TMEM131: variants seen among roughly 807,000 people sequenced by gnomAD.
TMEM131 encodes transmembrane protein 131.
In TMEM131, 66 loss-of-function variants were observed where a neutral mutation model predicts 211.6. The ratio of observed to expected loss-of-function variants is 0.31; its 90% CI spans 0.26 to 0.38. The LOEUF (loss-of-function observed/expected upper bound fraction) is 0.38. Among genes scored for constraint, TMEM131 ranks in the 10% least tolerant of loss-of-function variants. TMEM131 has a pLI of 1.00. For missense variants in TMEM131, 2,036 were observed against 2,299.3 expected (o/e 0.89, Z 2.34); for synonymous variants, 844 against 841.3 (o/e 1.00, Z -0.06).
At chr2:97,950,993 T>C (rs917230218) in intron 1 of TMEM131, among the ~76,000 whole-genome samples, 1 of 152,226 alleles carries the variant, frequency 6.6e-6, no homozygotes, top group African/African-American at 2.4e-5. Context: ...ACAGAACACA[T>C]GCACTGTTAA....
chr2:97,884,169 C>T (rs191822455), intron 4 of TMEM131, among the ~76,000 whole-genome samples: 12 of 152,148 alleles, frequency 7.9e-5, no homozygotes, highest in African/African-American at 2.9e-4. Flanking sequence ...CATTTAATTT[C>T]TTCCTTCACC....
intron 25 of TMEM131, among the ~76,000 whole-genome samples, chr2:97,797,937 C>T (rs930950404): frequency 1.3e-5 from 2 of 152,224 alleles, no homozygotes; most frequent in African/African-American, 2.4e-5. Context: ...TGATGCTTCC[C>T]GCCACTGCTC....
At chr2:97,881,673 G>C (rs1383299028) in intron 4 of TMEM131, among the ~76,000 whole-genome samples, 5 of 136,024 alleles carry the variant, frequency 3.7e-5, no homozygotes, top group Non-Finnish European at 7.6e-5. Context: ...CCTGAGCTAG[G>C]GACAGGGTGC....
At chr2:97,769,868 G>A (rs546152754) in intron 33 of TMEM131, among the ~76,000 whole-genome samples, 2 of 152,142 alleles carry the variant, frequency 1.3e-5, no homozygotes, top group Non-Finnish European at 2.9e-5. Flanking sequence ...TGGAAAACAC[G>A]GTTAGATCAG....
intron 19 of TMEM131, among the ~76,000 whole-genome samples, chr2:97,808,877 A>T (rs1032127375): frequency 6.6e-6 from 1 of 152,164 alleles, no homozygotes; most frequent in African/African-American, 2.4e-5. Context: ...CTTGAAAGAC[A>T]CGCAGGAGTT....
intron 4 of TMEM131, among the ~76,000 whole-genome samples, chr2:97,870,149 CA>C (rs763914787): frequency 5.9e-5 from 9 of 151,762 alleles, no homozygotes; most frequent in African/African-American, 2.2e-4. Flanking sequence ...CAGGCTCACC[CA>C]AAAAAAATCT....
At chr2:97,925,417 C>T (rs749786391) in intron 2 of TMEM131, among the ~76,000 whole-genome samples, 7 of 152,134 alleles carry the variant, frequency 4.6e-5, no homozygotes, top group South Asian at 4.1e-4. Context: ...CCTCAGAGTC[C>T]GTGTCATCTT....
intron 3 of TMEM131, among the ~76,000 whole-genome samples, chr2:97,906,663 G>A (rs1676084007): frequency 1.3e-5 from 2 of 152,164 alleles, no homozygotes; most frequent in Admixed American, 1.3e-4. Flanking sequence ...CCTACATATA[G>A]GCATTCTAGT....
chr2:97,786,037 T>C (rs1029885282), intron 31 of TMEM131, among the ~76,000 whole-genome samples: 1 of 152,070 alleles, frequency 6.6e-6, no homozygotes, highest in African/African-American at 2.4e-5. Flanking sequence ...AGGAGGGAAG[T>C]GAGTGTGGCT....
intron 3 of TMEM131, among the ~76,000 whole-genome samples, chr2:97,902,786 C>T (rs1675910789): frequency 6.6e-6 from 1 of 152,116 alleles, no homozygotes; most frequent in African/African-American, 2.4e-5. Flanking sequence ...TGGGCACAAT[C>T]TAATCAGCTT....
At chr2:97,848,401 A>AACAT (rs1470213031) in intron 5 of TMEM131, among the ~76,000 whole-genome samples, 1 of 152,230 alleles carries the variant, frequency 6.6e-6, no homozygotes, top group African/African-American at 2.4e-5. Flanking sequence ...TGCAGATACC[A>AACAT]ACATCTGTGG....
At chr2:97,991,745 G>T (rs1053882354) in intron 1 of TMEM131, among the ~76,000 whole-genome samples, 1 of 152,202 alleles carries the variant, frequency 6.6e-6, no homozygotes, top group Non-Finnish European at 1.5e-5. Context: ...AGGCCAATCA[G>T]AGCGCTTGAG....
rs1673974597 is a variant in TMEM131, at chr2:97,859,389, T to A, written c.398A>T (p.His133Leu). 1 of 1,596,466 alleles carries A rather than the reference T, an allele frequency of 6.3e-7. No individual in the cohort carries two copies. Among genetic ancestry groups the A allele is most frequent in the Admixed American group, 1.8e-5 (1 of 55,342 alleles). Reference sequence around the variant, plus strand: ...AATCGTTTCTTCAGAACTAGGATTATGTAAGTAGACTTTTTCCATTTTTGG... The same window carrying A: ...AATCGTTTCTTCAGAACTAGGATTAAGTAAGTAGACTTTTTCCATTTTTGG... ...GMPKMEKVYL[H>L]NPSSEETITL... The change falls in exon 5 of 41, where the codon CAT becomes CTT. Residue 133 changes from histidine (H) to leucine (L), a missense_variant. Around this residue, in one of 3 missense-constraint regions of TMEM131, gnomAD observed 277 missense variants for 378.0 expected, o/e 0.73. Transcript: ENST00000186436.
intron 11 of TMEM131, chr2:97,827,175 A>T: frequency 1.6e-6 from 1 of 625,848 alleles, no homozygotes; most frequent in South Asian, 1.8e-5. Flanking sequence ...GCGGCAAGGC[A>T]GCCCAGTTTC....
At chr2:97,988,681 C>A (rs72817729) in intron 1 of TMEM131, among the ~76,000 whole-genome samples, 2 of 152,022 alleles carry the variant, frequency 1.3e-5, no homozygotes, top group African/African-American at 2.4e-5. Context: ...CGCTCAATAT[C>A]ATTAATCATT....
intron 35 of TMEM131, chr2:97,762,609 T>C: frequency 5.4e-6 from 1 of 186,050 alleles, no homozygotes; most frequent in Non-Finnish European, 1.1e-5. Context: ...CCAAGTTCAG[T>C]AAAGCCTCTC....
chr2:97,894,297 T>G (rs1675509068), intron 3 of TMEM131, among the ~76,000 whole-genome samples: 1 of 152,236 alleles, frequency 6.6e-6, no homozygotes, highest in African/African-American at 2.4e-5. Flanking sequence ...GCAGAATAAT[T>G]TGAAGTCAGG....
At chr2:97,800,452 T>C (rs1348880569) in intron 25 of TMEM131, among the ~76,000 whole-genome samples, 1 of 152,110 alleles carries the variant, frequency 6.6e-6, no homozygotes, top group Non-Finnish European at 1.5e-5. Flanking sequence ...TTTCTCCCTA[T>C]TATAAAAGCA....
chr2:97,967,849 G>T (rs114609525), intron 1 of TMEM131, among the ~76,000 whole-genome samples: 1 of 151,460 alleles, frequency 6.6e-6, no homozygotes, highest in Non-Finnish European at 1.5e-5. Context: ...GTCTTCCCAT[G>T]TAACACATCC....
Sources: gnomAD v4.1 joint callset for allele counts (sites outside exome capture counted in the v4.1 genomes callset) on GRCh38, gnomAD v4.1.1 for gene constraint, gnomAD v4.1.1 regional missense constraint, MANE v1.5 for transcripts, NCBI Gene and HGNC (gene_info 2026-07-23, HGNC 2026-07-21) for gene names.